Variants in SOBP observed in about 807,000 individuals in gnomAD.
SOBP encodes the protein sine oculis binding protein homolog.
A neutral mutation model predicts 53.6 loss-of-function variants in SOBP; 4 were observed. The ratio of observed to expected loss-of-function variants is 0.07; its 90% CI spans 0.04 to 0.17. The LOEUF (loss-of-function observed/expected upper bound fraction) is 0.17, where lower values mean the gene tolerates loss of function less well. Ranked by LOEUF, SOBP falls within the 10% of genes least tolerant of loss-of-function variation. The probability of loss-of-function intolerance (pLI) is 1.00; values close to 1 mark genes in which losing one functional copy is unlikely to be tolerated. For synonymous variants in SOBP, 584 were observed against 522.6 expected (o/e 1.12, Z -1.60); for missense variants, 1,088 against 1,204.7 (o/e 0.90, Z 1.43).
At chr6:107,590,578 C>T (rs547996409) in intron 5 of SOBP, among the ~76,000 whole-genome samples, 231 of 152,238 alleles carry the variant, frequency 1.5e-3, no homozygotes, top group Non-Finnish European at 2.4e-3. Context: ...TTTGGCTTTT[C>T]CTGAGGCTGT....
chr6:107,658,911 A>C lies in SOBP; in HGVS notation c.*708A>C, dbSNP rs1772183166. 1 of 152,664 alleles carries C rather than the reference A, an allele frequency of 6.6e-6. No individual in the cohort carries two copies. Among genetic ancestry groups the C allele is most frequent in the African/African-American group, 2.4e-5 (1 of 41,458 alleles). The allele number at this position is 152,664 out of a possible 1,614,324, so 9.5% of individuals were successfully genotyped here. On this transcript the variant is annotated 3_prime_UTR_variant, in exon 7 of 7. Coordinates refer to ENST00000317357, the MANE Select transcript of SOBP (RefSeq NM_018013.4). ...TAATTTTCGATTTGACAGATGTAAG[A>C]AGCAGCATGAATAGTTTATACTGTG...
At chr6:107,585,504 T>G (rs1785538537) in intron 4 of SOBP, among the ~76,000 whole-genome samples, 1 of 152,250 alleles carries the variant, frequency 6.6e-6, no homozygotes, top group South Asian at 2.1e-4. Context: ...CTCAGTGCCT[T>G]GTAGCCACTG....
chr6:107,562,068 T>C (rs898491735), intron 4 of SOBP, among the ~76,000 whole-genome samples: 6 of 150,042 alleles, frequency 4.0e-5, no homozygotes, highest in Non-Finnish European at 7.4e-5. Flanking sequence ...TCTCACTTTG[T>C]CGCCCAGGCT....
chr6:107,549,904 C>T (rs544740136), intron 4 of SOBP, among the ~76,000 whole-genome samples: 1 of 152,186 alleles, frequency 6.6e-6, no homozygotes, highest in South Asian at 2.1e-4. Context: ...TGTCCAGGGG[C>T]CTGGTAAGGT....
rs1305351250 is a variant in SOBP at position 107,521,916 on chromosome 6, A to ACACAC, written c.422-11542_422-11538dup. On this transcript the variant is annotated intron_variant, in intron 3 of 6. Coordinates refer to ENST00000317357, the MANE Select transcript of SOBP (RefSeq NM_018013.4). ...GGAAGAGACAGACATTAAAACACAC[A>ACACAC]CACACACACACACACACACACACAC... is the stretch of plus-strand genomic sequence containing the variant. 1.1e-3 allele frequency among the ~76,000 whole-genome samples: 17 copies of ACACAC among 14,790 alleles called. 1 individual carries two copies. Among genetic ancestry groups the ACACAC allele is most frequent in the Admixed American group, 7.4e-3 (5 of 676 alleles). 9.7% of individuals were successfully genotyped at this position (14,790 alleles called of 152,430 possible).
At chr6:107,543,197 T>C (rs1016382319) in intron 4 of SOBP, among the ~76,000 whole-genome samples, 2 of 152,186 alleles carry the variant, frequency 1.3e-5, no homozygotes, top group Non-Finnish European at 2.9e-5. Flanking sequence ...TTGGGGCAGG[T>C]TGATTCAGCA....
chr6:107,535,863 AG>A (rs1421416573), intron 4 of SOBP, among the ~76,000 whole-genome samples: 1 of 152,138 alleles, frequency 6.6e-6, no homozygotes, highest in Non-Finnish European at 1.5e-5. Context: ...GCCATTTCTA[AG>A]AACTGCTTGT....
intron 4 of SOBP, among the ~76,000 whole-genome samples, chr6:107,561,766 G>A (rs1355727962): frequency 3.3e-5 from 5 of 152,044 alleles, no homozygotes; most frequent in African/African-American, 9.7e-5. Flanking sequence ...CAAAGCTTCC[G>A]GAAGACTGAG....
chr6:107,593,504 C>G (rs927149065), intron 5 of SOBP, among the ~76,000 whole-genome samples: 22 of 152,346 alleles, frequency 1.4e-4, no homozygotes, highest in African/African-American at 5.3e-4. Flanking sequence ...AAGGGAGGCA[C>G]TGTGGTCTGG....
chr6:107,538,450 T>A (rs1784064911), intron 4 of SOBP, among the ~76,000 whole-genome samples: 1 of 152,252 alleles, frequency 6.6e-6, no homozygotes, highest in Non-Finnish European at 1.5e-5. Context: ...GGCCACATAC[T>A]TGCTTTTGCC....
At chr6:107,548,912 G>A (rs971501003) in intron 4 of SOBP, among the ~76,000 whole-genome samples, 1 of 152,078 alleles carries the variant, frequency 6.6e-6, no homozygotes, top group African/African-American at 2.4e-5. Context: ...ACTCCAGCCT[G>A]GGTGACAGAG....
chr6:107,634,659 C>G lies in SOBP; in HGVS notation c.1815C>G (p.Ala605=). 2 of 1,556,296 alleles carry G rather than the reference C, an allele frequency of 1.3e-6. No homozygotes were observed. The highest frequency in any genetic ancestry group is 1.7e-6 in the Non-Finnish European group (2 of 1,157,280). The change falls in exon 6 of 7, where the codon GCC becomes GCG. Residue 605 remains alanine (A), a synonymous_variant. Transcript: ENST00000317357. The surrounding 1 kb of genome is among the most constrained non-coding windows in gnomAD (Gnocchi z 4.5). ...ADSPPGCSGQ[A]LSLAPTPAEH... is the part of the protein sequence containing the mutation. ...CGCCCCCCGGCTGCTCGGGCCAGGC[C>G]CTGAGCCTGGCGCCCACGCCCGCCG... is the stretch of plus-strand genomic sequence containing the variant.
At chr6:107,595,252 A>G (rs1251704346) in intron 5 of SOBP, among the ~76,000 whole-genome samples, 1 of 152,074 alleles carries the variant, frequency 6.6e-6, no homozygotes, top group Non-Finnish European at 1.5e-5. Flanking sequence ...GACTTGGGAC[A>G]TTAAAAGATC....
Position 107,533,521 on chromosome 6 carries a change from T to A in SOBP, c.484T>A (p.Tyr162Asn). 6.2e-7 allele frequency: 1 copy of A among 1,614,112 alleles called. No individual in the cohort carries two copies. Among genetic ancestry groups the A allele is most frequent in the Non-Finnish European group, 8.5e-7 (1 of 1,179,998 alleles). ...AWCQKVGIKR[Y>N]SLSMGSEVKS... is the part of the protein sequence containing the mutation. Reference sequence around the variant, plus strand: ...GTGCCAGAAAGTGGGAATCAAGCGCTATTCCCTGAGTATGGGAAGTGAGGT... The same window carrying A: ...GTGCCAGAAAGTGGGAATCAAGCGCAATTCCCTGAGTATGGGAAGTGAGGT... The change falls in exon 4 of 7, where the codon TAT becomes AAT. Residue 162 changes from tyrosine (Y) to asparagine (N), a missense_variant. Tyr to Asn is a moderately radical substitution (Grantham distance 143). This residue lies in a region of SOBP where 55 missense variants were observed against 134.3 expected (regional missense o/e 0.41). Transcript: ENST00000317357.
At chr6:107,587,243 G>T in intron 5 of SOBP, 68 bp downstream of exon 5, 1 of 1,290,852 alleles carries the variant, frequency 7.7e-7, no homozygotes, top group Non-Finnish European at 1.1e-6. Flanking sequence ...TTTTTGAAAG[G>T]GTTTGTTCAT....
chr6:107,518,748 C>CTGT (rs1255203409), intron 3 of SOBP, among the ~76,000 whole-genome samples: 1 of 85,084 alleles, frequency 1.2e-5, no homozygotes, highest in Non-Finnish European at 2.4e-5. Context: ...TTAGGAAAGG[C>CTGT]TGTTTTTTTT....
chr6:107,631,223 C>A (rs1045877845), intron 5 of SOBP, among the ~76,000 whole-genome samples: 2 of 151,822 alleles, frequency 1.3e-5, no homozygotes, highest in South Asian at 2.1e-4. Context: ...AAATAAGATC[C>A]AAAAAAATAT....
At chr6:107,573,429 G>C (rs1489322559) in intron 4 of SOBP, among the ~76,000 whole-genome samples, 1 of 151,738 alleles carries the variant, frequency 6.6e-6, no homozygotes, top group Non-Finnish European at 1.5e-5. Flanking sequence ...TACTTATTCT[G>C]TGCCAGGCAT....
chr6:107,598,847 G>T (rs1191319842), intron 5 of SOBP, among the ~76,000 whole-genome samples: 1 of 152,192 alleles, frequency 6.6e-6, no homozygotes, highest in Admixed American at 6.5e-5. Flanking sequence ...AACTGGCAAA[G>T]ATTTCATTTC....
Sources: gnomAD v4.1 joint callset for allele counts (sites outside exome capture counted in the v4.1 genomes callset) on GRCh38, gnomAD v4.1.1 for gene constraint, gnomAD v4.1.1 regional missense constraint, Gnocchi (gnomAD v3.1) non-coding constraint, MANE v1.5 for transcripts, NCBI Gene and HGNC (gene_info 2026-07-23, HGNC 2026-07-21) for gene names.